PCCA: variants seen among roughly 807,000 people sequenced by gnomAD.
PCCA encodes propionyl-CoA carboxylase alpha chain, mitochondrial.
Under a neutral mutation model 101.3 loss-of-function variants are expected in PCCA, and 74 were observed. That is an observed-to-expected ratio of 0.73 (90% CI 0.61 to 0.89). PCCA has a LOEUF of 0.89. Ranked by LOEUF, PCCA falls within the 40% of genes least tolerant of loss-of-function variation. The probability of loss-of-function intolerance (pLI) is 0.00; values close to 1 mark genes in which losing one functional copy is unlikely to be tolerated. For synonymous variants in PCCA, 294 were observed against 313.6 expected (o/e 0.94, Z 0.66); for missense variants, 891 against 907.0 (o/e 0.98, Z 0.23).
chr13:100,474,571 G>A (rs1006124702), intron 21 of PCCA, among the ~76,000 whole-genome samples: 3 of 151,806 alleles, frequency 2.0e-5, no homozygotes, highest in African/African-American at 7.3e-5. Flanking sequence ...CTGCAGCCTC[G>A]ACCTCCTGGG....
intron 8 of PCCA, among the ~76,000 whole-genome samples, chr13:100,244,687 G>T (rs894199215): frequency 1.2e-4 from 18 of 152,054 alleles, no homozygotes; most frequent in Non-Finnish European, 2.9e-5. Context: ...ACTGATTTCC[G>T]ATCCCTGGAG....
chr13:100,263,868 A>G (rs1339230792), intron 10 of PCCA, among the ~76,000 whole-genome samples: 8 of 147,162 alleles, frequency 5.4e-5, no homozygotes, highest in Admixed American at 1.4e-4. Context: ...GTATCTGTAT[A>G]TCGTATATAT....
intron 16 of PCCA, among the ~76,000 whole-genome samples, chr13:100,322,161 C>G (rs2068125786): frequency 6.6e-6 from 1 of 152,104 alleles, no homozygotes; most frequent in African/African-American, 2.4e-5. Context: ...ATACACACAC[C>G]CATCCTGATG....
Position 100,328,413 on chromosome 13 carries a change from A to G in PCCA, c.1430-2148A>G, listed in dbSNP as rs1023954401. Among the ~76,000 whole-genome samples, 145 of 138,902 alleles carry G rather than the reference A, an allele frequency of 1.0e-3. 1 individual carries two copies. Among genetic ancestry groups the G allele is most frequent in the African/African-American group, 2.2e-3 (83 of 37,690 alleles). 91.1% of individuals were successfully genotyped at this position (138,902 alleles called of 152,430 possible). On this transcript the variant is annotated intron_variant, in intron 16 of 23. Transcript: ENST00000376285. ...TAATAATAATAATAATAATGATGATAATAATAATATATTTTATGTGAATAT... is the reference window on the plus strand; with the variant it reads ...TAATAATAATAATAATAATGATGATGATAATAATATATTTTATGTGAATAT...
chr13:100,456,846 T>C lies in PCCA; in HGVS notation c.1899+7541T>C, dbSNP rs1047947679. 5.3e-5 allele frequency among the ~76,000 whole-genome samples: 8 copies of C among 151,656 alleles called. No homozygotes were observed. The South Asian group carries it at 1.5e-3, about 28-fold the overall frequency. ...TGAAGCACAGCATCACAGGGAGGGG[T>C]TTAGGACTCCAGATGACTGCGGGCA... On this transcript the variant is annotated intron_variant, in intron 21 of 23. Coordinates refer to ENST00000376285, the MANE Select transcript of PCCA (RefSeq NM_000282.4).
chr13:100,184,538 A>T (rs1453887082), intron 6 of PCCA, among the ~76,000 whole-genome samples: 1 of 152,176 alleles, frequency 6.6e-6, no homozygotes, highest in Non-Finnish European at 1.5e-5. Context: ...ATAGACCAGC[A>T]TTTGGCAGGC....
At position 100,194,384 on chromosome 13, in the gene PCCA, T is replaced by C. The variant is rs555252897; in HGVS notation, c.469-14948T>C. Among the ~76,000 whole-genome samples, 287 of 152,284 alleles carry C rather than the reference T, an allele frequency of 1.9e-3. 1 individual carries two copies. The highest frequency in any genetic ancestry group is 4.2e-3 in the Admixed American group (64 of 15,294). ...TAGAAAAAGCACACAATTCAGAGAATATACAAAGCCAATTAAAAAGTTGTA... is the reference window on the plus strand; with the variant it reads ...TAGAAAAAGCACACAATTCAGAGAACATACAAAGCCAATTAAAAAGTTGTA... On this transcript the variant is annotated intron_variant, in intron 6 of 23. Transcript: ENST00000376285.
intron 20 of PCCA, among the ~76,000 whole-genome samples, chr13:100,443,387 T>TG (rs1261437052): frequency 3.3e-5 from 5 of 151,338 alleles, no homozygotes; most frequent in Non-Finnish European, 7.4e-5. Context: ...TCCAGGCAGT[T>TG]GCTGTGGAGA....
chr13:100,470,327 A>G (rs2082903701), intron 21 of PCCA, among the ~76,000 whole-genome samples: 2 of 152,164 alleles, frequency 1.3e-5, no homozygotes, highest in African/African-American at 4.8e-5. Flanking sequence ...AAAAACTGGA[A>G]AGGAAGGGTC....
intron 21 of PCCA, among the ~76,000 whole-genome samples, chr13:100,497,330 TAAAAC>T (rs1349747069): frequency 6.6e-6 from 1 of 152,148 alleles, no homozygotes; most frequent in Admixed American, 6.5e-5. Flanking sequence ...GTTGTGCAAA[TAAAAC>T]TAAAAAGTCA....
intron 7 of PCCA, among the ~76,000 whole-genome samples, chr13:100,224,110 A>C (rs528837787): frequency 6.6e-5 from 10 of 152,310 alleles, no homozygotes; most frequent in African/African-American, 2.4e-4. Flanking sequence ...GGCGGCGCAC[A>C]TCAGGGAGGC....
At position 100,529,960 on chromosome 13, in the gene PCCA, T is replaced by C. The variant is rs1019642014; in HGVS notation, c.2119-138T>C. The C allele has an allele frequency of 1.5e-3, 314 of 212,702 alleles. 4 individuals are homozygous for C. The highest frequency in any genetic ancestry group is 0.011 in the South Asian group (85 of 7,908). The allele number at this position is 212,702 out of a possible 1,614,324, so 13.2% of individuals were successfully genotyped here. A position where few individuals can be genotyped will look rare whatever the true frequency, so the allele number is the denominator to read the frequency against. Reference sequence around the variant, plus strand: ...CCAGGGTCCCTTCGATGGGCTCCGGTGGGGTGGGGTGGCTTGTCCCTGTGC... The same window carrying C: ...CCAGGGTCCCTTCGATGGGCTCCGGCGGGGTGGGGTGGCTTGTCCCTGTGC... On this transcript the variant is annotated intron_variant, in intron 23 of 23. Coordinates refer to ENST00000376285, the MANE Select transcript of PCCA (RefSeq NM_000282.4).
intron 22 of PCCA, among the ~76,000 whole-genome samples, chr13:100,523,043 TC>T (rs767490913): frequency 7.2e-5 from 11 of 152,224 alleles, no homozygotes; most frequent in Non-Finnish European, 1.5e-4. Context: ...TTCTTTTTCT[TC>T]CTGCACTTTC....
chr13:100,156,430 T>C (rs1301537565), intron 5 of PCCA, among the ~76,000 whole-genome samples: 1 of 152,210 alleles, frequency 6.6e-6, no homozygotes, highest in Non-Finnish European at 1.5e-5. Flanking sequence ...CTGGTTCCTT[T>C]AGAAATTTGA....
intron 4 of PCCA, among the ~76,000 whole-genome samples, chr13:100,153,900 T>A (rs2053616924): frequency 6.6e-6 from 1 of 152,222 alleles, no homozygotes; most frequent in South Asian, 2.1e-4. Flanking sequence ...GTGGAAAATA[T>A]TTATTGAATT....
chr13:100,425,592 GTCTT>G (rs1567115198), intron 19 of PCCA, 37 bp from the exon 20 acceptor site: 2 of 1,366,530 alleles, frequency 1.5e-6, no homozygotes, highest in East Asian at 2.3e-5. Flanking sequence ...TCAGTTTTCT[GTCTT>G]TCTTCATGGT....
chr13:100,440,270 A>G (rs990605204), intron 20 of PCCA, among the ~76,000 whole-genome samples: 5 of 148,044 alleles, frequency 3.4e-5, no homozygotes, highest in Admixed American at 6.8e-5. Context: ...ACACAAGCAC[A>G]TGAATATGAT....
intron 19 of PCCA, among the ~76,000 whole-genome samples, chr13:100,402,045 T>A (rs1173245185): frequency 6.6e-6 from 1 of 152,184 alleles, no homozygotes; most frequent in African/African-American, 2.4e-5. Flanking sequence ...TACCTCTGTG[T>A]GGATCCCTTG....
intron 4 of PCCA, among the ~76,000 whole-genome samples, chr13:100,114,020 G>T (rs2048565958): frequency 6.6e-6 from 1 of 151,042 alleles, no homozygotes; most frequent in Non-Finnish European, 1.5e-5. Context: ...TTGACTTTTT[G>T]AACTTTTTTG....
Sources: allele counts gnomAD v4.1 joint callset (sites outside exome capture counted in the v4.1 genomes callset), GRCh38; gene constraint gnomAD v4.1.1; transcripts MANE v1.5; gene names NCBI Gene and HGNC (gene_info 2026-07-23, HGNC 2026-07-21).